The following OXR1 variants were observed in gnomAD, a reference collection of about 807,000 sequenced individuals.
OXR1 encodes the protein oxidation resistance protein 1.
In OXR1, 41 loss-of-function variants were observed where a neutral mutation model predicts 104.6. The ratio of observed to expected loss-of-function variants is 0.39; its 90% confidence interval spans 0.31 to 0.51. OXR1 has a LOEUF of 0.51. OXR1 is among the 20% of genes least tolerant of loss of function. The probability of loss-of-function intolerance (pLI) is 0.77; values close to 1 mark genes in which losing one functional copy is unlikely to be tolerated. For synonymous variants in OXR1, 348 were observed against 348.4 expected (o/e 1.00, Z 0.01); for missense variants, 955 against 1,031.9 (o/e 0.93, Z 1.02).
chr8:106,676,359 G>A (rs945118446), intron 3 of OXR1, among the ~76,000 whole-genome samples: 5 of 152,052 alleles, frequency 3.3e-5, no homozygotes, highest in Middle Eastern at 3.2e-3. Flanking sequence ...GATGTTAGCT[G>A]GTTATTTTGC....
At chr8:106,722,274 T>C (rs1174351053) in intron 11 of OXR1, among the ~76,000 whole-genome samples, 1 of 152,206 alleles carries the variant, frequency 6.6e-6, no homozygotes, top group Non-Finnish European at 1.5e-5. Flanking sequence ...ATTCTTTGTG[T>C]ATAAAGTCAC....
intron 2 of OXR1, among the ~76,000 whole-genome samples, chr8:106,500,022 A>C (rs1197308634): frequency 1.1e-4 from 16 of 152,194 alleles, no homozygotes; most frequent in Admixed American, 1.0e-3. Context: ...CAGGAATCAC[A>C]AGTGACTACT....
At chr8:106,486,152 T>C (rs976252721) in intron 2 of OXR1, among the ~76,000 whole-genome samples, 3 of 152,282 alleles carry the variant, frequency 2.0e-5, no homozygotes, top group East Asian at 1.9e-4. Flanking sequence ...AAGTAATACA[T>C]GTGTTAATTC....
chr8:106,470,932 G>A (rs1188669100), intron 2 of OXR1, among the ~76,000 whole-genome samples: 1 of 151,794 alleles, frequency 6.6e-6, no homozygotes, highest in Non-Finnish European at 1.5e-5. Flanking sequence ...GACCATTGGA[G>A]GTCATTGCTG....
At chr8:106,489,668 T>C (rs1419265592) in intron 2 of OXR1, among the ~76,000 whole-genome samples, 2 of 152,192 alleles carry the variant, frequency 1.3e-5, no homozygotes, top group Non-Finnish European at 2.9e-5. Flanking sequence ...TGTTCTGATA[T>C]GGTTTTTAAA....
intron 2 of OXR1, among the ~76,000 whole-genome samples, chr8:106,458,797 G>C (rs946025062): frequency 6.6e-6 from 1 of 152,128 alleles, no homozygotes; most frequent in African/African-American, 2.4e-5. Context: ...ATTAGGTTTT[G>C]GACTTACTTG....
At chr8:106,275,806 G>C (rs73698688) in intron 1 of OXR1, among the ~76,000 whole-genome samples, 4,902 of 151,564 alleles carry the variant, frequency 0.032, 92 homozygotes, top group South Asian at 0.074. Flanking sequence ...CACACACACA[G>C]AGCAAGATTT....
At chr8:106,315,839 G>T (rs1312136114) in intron 1 of OXR1, among the ~76,000 whole-genome samples, 1 of 152,200 alleles carries the variant, frequency 6.6e-6, no homozygotes, top group African/African-American at 2.4e-5. Flanking sequence ...TTCCACAGGA[G>T]TAAATCCGGA....
At chr8:106,577,359 C>T (rs944955468) in intron 3 of OXR1, among the ~76,000 whole-genome samples, 9 of 149,260 alleles carry the variant, frequency 6.0e-5, no homozygotes, top group South Asian at 2.1e-4. Context: ...TACAGGCGCC[C>T]GCCACTATGC....
In OXR1 at chr8:106,565,114, T is replaced by C. The variant is rs1165252341; in HGVS notation, c.220+45975T>C. On this transcript the variant is annotated intron_variant, in intron 3 of 16. Coordinates refer to ENST00000517566, the MANE Select transcript of OXR1 (RefSeq NM_001198533.2). ...CTCACCACTCCTGTACAACATAGTA[T>C]TGGAAATTCTGGCCAGGGCAATCAG... is the stretch of plus-strand genomic sequence containing the variant. Among the ~76,000 whole-genome samples the C allele has an allele frequency of 2.0e-5, 3 of 152,088 alleles. No individual in the cohort carries two copies. In the East Asian group the frequency reaches 5.8e-4, roughly 29 times the overall value.
chr8:106,716,708 A>G lies in OXR1; in HGVS notation c.1956+2723A>G, dbSNP rs574616952. Among the ~76,000 whole-genome samples the G allele has an allele frequency of 2.6e-5, 4 of 152,194 alleles. No individual in the cohort carries two copies. The East Asian group carries it at 7.7e-4, about 29-fold the overall frequency. On this transcript the variant is annotated intron_variant, in intron 11 of 16. Coordinates refer to ENST00000517566, the MANE Select transcript of OXR1 (RefSeq NM_001198533.2). ...TTAGAATGGAAAGAAAAAAGAATGTAAACATCTTGTTTGTTTATACTGATT... is the reference window on the plus strand; with the variant it reads ...TTAGAATGGAAAGAAAAAAGAATGTGAACATCTTGTTTGTTTATACTGATT...
intron 2 of OXR1, among the ~76,000 whole-genome samples, chr8:106,488,930 C>T (rs1187021251): frequency 6.6e-6 from 1 of 151,218 alleles, no homozygotes; most frequent in African/African-American, 2.4e-5. Flanking sequence ...TCCATATGAA[C>T]TTTAAAGTAG....
rs975944955 is a variant in OXR1 at position 106,270,270 on chromosome 8, A to G, written c.-236A>G. ...ATTCACCTCGCGGCCACAGGAGCTC[A>G]GCGCCGGCGCCGCGCCGCCCAGCCC... On this transcript the variant is annotated 5_prime_UTR_variant, in exon 1 of 17. Coordinates refer to ENST00000517566, the MANE Select transcript of OXR1 (RefSeq NM_001198533.2). The G allele has an allele frequency of 2.0e-5, 3 of 151,790 alleles. No homozygotes were observed. Among genetic ancestry groups the G allele is most frequent in the Non-Finnish European group, 4.4e-5 (3 of 67,952 alleles). The allele number at this position is 151,790 out of a possible 1,614,324, so 9.4% of individuals were successfully genotyped here.
rs772207305 is a variant in OXR1, at chr8:106,518,964, G to A, written c.45G>A (p.Ser15=). ...NLSWLKKKSQ[S]VDINAPGFNP... is the part of the protein sequence containing the mutation. ...GTAGGCTGAAGAAAAAGTCCCAGTC[G>A]GTGGATATTAATGCTCCAGGGTTCA... The change falls in exon 3 of 17, where the codon TCG becomes TCA. Residue 15 remains serine, a synonymous_variant. Transcript: ENST00000517566. 4.0e-5 allele frequency: 62 copies of A among 1,550,780 alleles called. No individual in the cohort carries two copies. In the African/African-American group the frequency reaches 6.4e-4, roughly 16 times the overall value.
At chr8:106,694,148 C>T (rs1238695588) in intron 7 of OXR1, among the ~76,000 whole-genome samples, 3 of 151,424 alleles carry the variant, frequency 2.0e-5, no homozygotes, top group African/African-American at 4.8e-5. Flanking sequence ...TTATTTAGAC[C>T]TGTTTTATGG....
chr8:106,460,274 G>T (rs923608963), intron 2 of OXR1, among the ~76,000 whole-genome samples: 2 of 152,174 alleles, frequency 1.3e-5, no homozygotes, highest in Non-Finnish European at 1.5e-5. Context: ...TTACACCATC[G>T]GAGTCTGCCC....
chr8:106,564,179 T>C (rs546961817), intron 3 of OXR1, among the ~76,000 whole-genome samples: 1 of 152,112 alleles, frequency 6.6e-6, no homozygotes, highest in Non-Finnish European at 1.5e-5. Context: ...CTTCAAAAAA[T>C]CAATGAATCC....
chr8:106,501,815 T>TG (rs1474597956), intron 2 of OXR1, among the ~76,000 whole-genome samples: 2 of 152,226 alleles, frequency 1.3e-5, no homozygotes, highest in Middle Eastern at 3.2e-3. Flanking sequence ...AACATCCAGG[T>TG]GGTTTTGATC....
intron 9 of OXR1, among the ~76,000 whole-genome samples, chr8:106,708,869 A>G (rs1166976516): frequency 1.3e-5 from 2 of 151,878 alleles, no homozygotes; most frequent in African/African-American, 2.4e-5. Context: ...TAGTGGCTGC[A>G]CCATTTTACC....
Sources: allele counts gnomAD v4.1 joint callset (sites outside exome capture counted in the v4.1 genomes callset), GRCh38; gene constraint gnomAD v4.1.1; transcripts MANE v1.5; gene names NCBI Gene and HGNC (gene_info 2026-07-23, HGNC 2026-07-21).